CAST: variants seen among roughly 807,000 people sequenced by gnomAD.
The protein encoded by CAST is MIR583 host.
Under a neutral mutation model 119.6 loss-of-function variants are expected in CAST, and 76 were observed. The ratio of observed to expected loss-of-function variants is 0.64; its 90% CI spans 0.53 to 0.77. The LOEUF is 0.77. Ranked by LOEUF, CAST falls within the 30% of genes least tolerant of loss-of-function variation. CAST has a pLI of 0.00. For synonymous variants in CAST, 319 were observed against 331.6 expected, an observed-to-expected ratio of 0.96 and a Z score of 0.41; for missense variants, 953 against 946.5, an observed-to-expected ratio of 1.01 and a Z score of -0.09.
At chr5:96,376,852 A>C in the CAST span, among the ~76,000 whole-genome samples, 1 of 152,206 alleles carries the variant, frequency 6.6e-6, no homozygotes, top group East Asian at 1.9e-4. Context: ...AGAAGAAGGC[A>C]TTGTTATCAT....
the CAST span, chr5:96,308,830 C>G: frequency 6.5e-6 from 1 of 152,818 alleles, no homozygotes; most frequent in Non-Finnish European, 1.5e-5. Context: ...CCTCTGGAAG[C>G]TTTGTCCCAG....
intron 1 of CAST, among the ~76,000 whole-genome samples, chr5:96,604,563 G>A (rs1227866320): frequency 6.6e-6 from 1 of 152,188 alleles, no homozygotes; most frequent in South Asian, 2.1e-4. Context: ...GTAAGTAAAA[G>A]AGGAAAAGTA....
At chr5:96,360,834 C>T in the CAST span, among the ~76,000 whole-genome samples, 3,968 of 152,328 alleles carry the variant, frequency 0.026, 183 homozygotes, top group African/African-American at 0.09. Context: ...GGGAAGCAGT[C>T]TGTCCCTTAG....
At chr5:96,203,383 T>G in the CAST span, among the ~76,000 whole-genome samples, 2 of 152,028 alleles carry the variant, frequency 1.3e-5, no homozygotes, top group Admixed American at 6.6e-5. Flanking sequence ...TGTGGATCCC[T>G]TCTCAGAATA....
the CAST span, among the ~76,000 whole-genome samples, chr5:96,436,862 C>T: frequency 6.6e-6 from 1 of 152,170 alleles, no homozygotes; most frequent in Non-Finnish European, 1.5e-5. Context: ...CTCATGATAT[C>T]TCCTCCCGTG....
At chr5:96,719,497 G>A (rs944234287) in intron 3 of CAST, among the ~76,000 whole-genome samples, 2 of 152,118 alleles carry the variant, frequency 1.3e-5, no homozygotes, top group African/African-American at 2.4e-5. Context: ...TTGAATAGGC[G>A]GGTGAGTGGA....
chr5:96,546,045 GA>G (rs1432486420), intron 1 of CAST, among the ~76,000 whole-genome samples: 1 of 152,126 alleles, frequency 6.6e-6, no homozygotes, highest in East Asian at 1.9e-4. Flanking sequence ...CTTACTACTG[GA>G]AAAGTGGATA....
At chr5:96,375,486 G>A in the CAST span, among the ~76,000 whole-genome samples, 1 of 151,222 alleles carries the variant, frequency 6.6e-6, no homozygotes, top group African/African-American at 2.4e-5. Flanking sequence ...ACTACACAAT[G>A]TAGCTTCATT....
At chr5:96,125,931 A>G in the CAST span, among the ~76,000 whole-genome samples, 1 of 152,136 alleles carries the variant, frequency 6.6e-6, no homozygotes. Context: ...GAGAAAACAG[A>G]CTTTAACAAG....
At chr5:96,226,270 C>A in the CAST span, among the ~76,000 whole-genome samples, 1 of 152,088 alleles carries the variant, frequency 6.6e-6, no homozygotes, top group Non-Finnish European at 1.5e-5. Context: ...GCCAGGGGAC[C>A]AGGACCTTAC....
At chr5:96,437,422 A>G in the CAST span, among the ~76,000 whole-genome samples, 4 of 152,196 alleles carry the variant, frequency 2.6e-5, no homozygotes, top group Non-Finnish European at 4.4e-5. Flanking sequence ...GCATTTACTG[A>G]GTGAGTTGCA....
intron 1 of CAST, among the ~76,000 whole-genome samples, chr5:96,616,765 C>T (rs1315185283): frequency 0.01 from 1,493 of 146,760 alleles, 39 homozygotes; most frequent in African/African-American, 0.033. Flanking sequence ...CACACACACA[C>T]ACACACACAC....
chr5:96,466,554 GT>G, the CAST span, among the ~76,000 whole-genome samples: 1 of 147,764 alleles, frequency 6.8e-6, no homozygotes, highest in Non-Finnish European at 1.5e-5. Flanking sequence ...TTCCTGGGTT[GT>G]TTTTTGTGTT....
chr5:96,644,386 A>G (rs925081557), intron 1 of CAST, among the ~76,000 whole-genome samples: 1 of 152,260 alleles, frequency 6.6e-6, no homozygotes, highest in Admixed American at 6.5e-5. Context: ...GGTCAGCTAC[A>G]GCCAGCAACT....
chr5:96,592,426 A>T (rs187864585), intron 1 of CAST, among the ~76,000 whole-genome samples: 1 of 152,322 alleles, frequency 6.6e-6, no homozygotes, highest in Admixed American at 6.5e-5. Flanking sequence ...AAACCCAGCT[A>T]TAGCAATTGT....
chr5:96,541,652 C>T (rs1388507965), intron 1 of CAST, among the ~76,000 whole-genome samples: 1 of 152,160 alleles, frequency 6.6e-6, no homozygotes, highest in Non-Finnish European at 1.5e-5. Flanking sequence ...CCTCTGGCAA[C>T]CAGTGAGTTT....
At chr5:96,016,895 G>A in the CAST span, among the ~76,000 whole-genome samples, 5 of 142,892 alleles carry the variant, frequency 3.5e-5, no homozygotes, top group East Asian at 1.0e-3. Context: ...AGAGTGCAGT[G>A]GCACAATCTT....
chr5:96,072,470 C>CA, the CAST span, among the ~76,000 whole-genome samples: 2 of 151,976 alleles, frequency 1.3e-5, no homozygotes, highest in Admixed American at 1.3e-4. Context: ...AGCCTTTCTG[C>CA]AAAAAATGAG....
At chr5:96,588,196 C>CTTTTTTTTTTTTTTTTTTTTTTT (rs140665192) in intron 1 of CAST, among the ~76,000 whole-genome samples, 2 of 75,828 alleles carry the variant, frequency 2.6e-5, no homozygotes, top group Non-Finnish European at 4.4e-5. Flanking sequence ...TTCTTTCTTT[C>CTTTTTTTTTTTTTTTTTTTTTTT]TTTTTTTTTT....
Sources: allele counts gnomAD v4.1 joint callset (sites outside exome capture counted in the v4.1 genomes callset), GRCh38; gene constraint gnomAD v4.1.1; transcripts MANE v1.5; gene names NCBI Gene and HGNC (gene_info 2026-07-23, HGNC 2026-07-21).